The following RABGAP1L variants were observed in gnomAD, a reference collection of about 807,000 sequenced individuals.
RABGAP1L encodes rab GTPase-activating protein 1-like.
Under a neutral mutation model 137.7 loss-of-function variants are expected in RABGAP1L, and 63 were observed. The ratio of observed to expected loss-of-function variants is 0.46; its 90% CI spans 0.37 to 0.56. The LOEUF is 0.56. Ranked by LOEUF, RABGAP1L falls within the 20% of genes least tolerant of loss-of-function variation. RABGAP1L has a pLI of 0.00. For synonymous variants in RABGAP1L, 431 were observed against 433.7 expected (o/e 0.99, Z 0.08); for missense variants, 1,095 against 1,244.0 (o/e 0.88, Z 1.80).
chr1:174,543,447 G>T (rs531194577), intron 13 of RABGAP1L, among the ~76,000 whole-genome samples: 3 of 151,956 alleles, frequency 2.0e-5, no homozygotes, highest in African/African-American at 7.3e-5. Context: ...CATTTGCTTG[G>T]CAGATCTTCC....
chr1:174,855,060 C>T (rs1299212042), intron 19 of RABGAP1L, among the ~76,000 whole-genome samples: 1 of 151,846 alleles, frequency 6.6e-6, no homozygotes, highest in East Asian at 1.9e-4. Context: ...TTTTAGTGCT[C>T]CCTCTTTCTT....
At chr1:174,390,250 A>C (rs895718734) in intron 12 of RABGAP1L, among the ~76,000 whole-genome samples, 1 of 152,182 alleles carries the variant, frequency 6.6e-6, no homozygotes, top group Non-Finnish European at 1.5e-5. Flanking sequence ...CTGTCTCTAA[A>C]GATAAATAGT....
intron 18 of RABGAP1L, chr1:174,756,866 C>T: frequency 1.6e-6 from 1 of 622,320 alleles, no homozygotes; most frequent in South Asian, 1.4e-5. Context: ...GAAGGTGTCA[C>T]ACCACTCTCG....
intron 1 of RABGAP1L, among the ~76,000 whole-genome samples, chr1:174,162,795 T>C (rs1350895908): frequency 6.7e-4 from 95 of 141,062 alleles, no homozygotes; most frequent in Non-Finnish European, 1.1e-3. Context: ...TTTTTTTTTT[T>C]TTTTTTTTAA....
chr1:174,965,526 G>T (rs551449751), intron 20 of RABGAP1L, among the ~76,000 whole-genome samples: 1 of 152,318 alleles, frequency 6.6e-6, no homozygotes, highest in Non-Finnish European at 1.5e-5. Flanking sequence ...AACAGTTTTG[G>T]CTCCTTGAGA....
At chr1:174,630,030 T>G (rs554348792) in intron 13 of RABGAP1L, among the ~76,000 whole-genome samples, 31 of 151,494 alleles carry the variant, frequency 2.0e-4, no homozygotes, top group South Asian at 8.4e-4. Flanking sequence ...GGCTGTGGGT[T>G]TGTCATAGAT....
chr1:174,853,469 C>A (rs61828117), intron 19 of RABGAP1L, among the ~76,000 whole-genome samples: 2 of 152,040 alleles, frequency 1.3e-5, no homozygotes, highest in Non-Finnish European at 2.9e-5. Context: ...CAGTGGCTCA[C>A]GCCTGTAATC....
At chr1:174,346,627 C>CT (rs965330204) in intron 11 of RABGAP1L, among the ~76,000 whole-genome samples, 41 of 150,588 alleles carry the variant, frequency 2.7e-4, no homozygotes, top group African/African-American at 8.8e-4. Context: ...TGGGGCTTCT[C>CT]TTTTTTTTTC....
intron 13 of RABGAP1L, among the ~76,000 whole-genome samples, chr1:174,533,512 C>T (rs1051443786): frequency 6.6e-6 from 1 of 152,032 alleles, no homozygotes; most frequent in African/African-American, 2.4e-5. Context: ...AGTGTGAAGA[C>T]GATGACGATG....
intron 11 of RABGAP1L, among the ~76,000 whole-genome samples, chr1:174,321,255 C>T (rs1323171859): frequency 6.6e-6 from 1 of 152,170 alleles, no homozygotes; most frequent in Non-Finnish European, 1.5e-5. Flanking sequence ...AATGTGTGCC[C>T]AGTGGGGCAT....
At chr1:174,650,590 C>T (rs1026310110) in intron 14 of RABGAP1L, among the ~76,000 whole-genome samples, 1 of 151,974 alleles carries the variant, frequency 6.6e-6, no homozygotes, top group African/African-American at 2.4e-5. Flanking sequence ...GGAATTTATC[C>T]ATTTCTTCTA....
chr1:174,849,722 C>G (rs567226115), intron 19 of RABGAP1L: 2 of 451,218 alleles, frequency 4.4e-6, no homozygotes, highest in East Asian at 1.3e-4. Flanking sequence ...CTTCTGAATT[C>G]GCATCTTTCT....
At chr1:174,305,583 G>A (rs144120444) in intron 11 of RABGAP1L, among the ~76,000 whole-genome samples, 20 of 151,548 alleles carry the variant, frequency 1.3e-4, no homozygotes, top group East Asian at 9.7e-4. Context: ...ATGGGGTTTC[G>A]CCATGTTGGC....
Position 174,547,029 on chromosome 1 carries a change from C to CAAAAA in RABGAP1L, c.1711-90323_1711-90319dup, listed in dbSNP as rs375413887. Reference sequence around the variant, plus strand: ...TGGGCGAAAGAGCGAGACTCTGTCTCAAAAAAAAAAAAAAAAAAAAAAAAA... The same window carrying CAAAAA: ...TGGGCGAAAGAGCGAGACTCTGTCTCAAAAAAAAAAAAAAAAAAAAAAAAAAAAAA... On this transcript the variant is annotated intron_variant, in intron 13 of 25. Transcript: ENST00000681986. Among the ~76,000 whole-genome samples, 26 of 78,232 alleles carry CAAAAA rather than the reference C, an allele frequency of 3.3e-4. 2 individuals carry two copies. Among genetic ancestry groups the CAAAAA allele is most frequent in the African/African-American group, 8.2e-4 (15 of 18,372 alleles). 51.3% of individuals were successfully genotyped at this position (78,232 alleles called of 152,430 possible).
intron 19 of RABGAP1L, among the ~76,000 whole-genome samples, chr1:174,890,835 G>A (rs183547889): frequency 6.6e-6 from 1 of 151,946 alleles, no homozygotes; most frequent in African/African-American, 2.4e-5. Context: ...AAGCTACATA[G>A]TATTTCACTG....
chr1:174,702,886 C>T (rs1168664533), intron 17 of RABGAP1L, among the ~76,000 whole-genome samples: 1 of 151,872 alleles, frequency 6.6e-6, no homozygotes, highest in Non-Finnish European at 1.5e-5. Flanking sequence ...CAGTATTATG[C>T]ATATATATGG....
At chr1:174,449,927 T>C (rs1030662653) in intron 13 of RABGAP1L, among the ~76,000 whole-genome samples, 7 of 152,206 alleles carry the variant, frequency 4.6e-5, no homozygotes, top group African/African-American at 1.7e-4. Context: ...CATCCATTGG[T>C]ACCTTACTTT....
At chr1:174,244,223 G>A (rs1672065029) in intron 5 of RABGAP1L, 1 of 152,202 alleles carries the variant, frequency 6.6e-6, no homozygotes, top group Non-Finnish European at 1.5e-5. Flanking sequence ...GGAACCAGCT[G>A]ACAAACATTC....
At position 174,751,488 on chromosome 1, in the gene RABGAP1L, T is replaced by A. The variant is rs573325202; in HGVS notation, c.2170-825T>A. ...CTTATGCCAACTCATACTTGAAATA[T>A]CTTTTTTCTTATGTATGATGACTTG... is the stretch of plus-strand genomic sequence containing the variant. On this transcript the variant is annotated intron_variant, in intron 17 of 25. Coordinates refer to ENST00000681986, the MANE Select transcript of RABGAP1L (RefSeq NM_001366446.1). Among the ~76,000 whole-genome samples, 19 of 152,352 alleles carry A rather than the reference T, an allele frequency of 1.2e-4. 2 individuals carry two copies. Among genetic ancestry groups the A allele is most frequent in the African/African-American group, 4.6e-4 (19 of 41,588 alleles).
Sources: gnomAD v4.1 joint callset for allele counts (sites outside exome capture counted in the v4.1 genomes callset) on GRCh38, gnomAD v4.1.1 for gene constraint, MANE v1.5 for transcripts, NCBI Gene and HGNC (gene_info 2026-07-23, HGNC 2026-07-21) for gene names.